The following PTPRK variants were observed in gnomAD, a reference collection of about 807,000 sequenced individuals.
PTPRK encodes receptor-type tyrosine-protein phosphatase kappa.
A neutral mutation model predicts 178.0 loss-of-function variants in PTPRK; 75 were observed. The observed-to-expected ratio is 0.42, with a 90% CI of 0.35 to 0.51. PTPRK has a LOEUF of 0.51. PTPRK is among the 20% of genes least tolerant of loss of function. The pLI is 0.02. For synonymous variants in PTPRK, 637 were observed against 620.6 expected (o/e 1.03, Z -0.39); for missense variants, 1,441 against 1,797.8 (o/e 0.80, Z 3.59).
chr6:128,116,101 T>TAC (rs762486725), intron 7 of PTPRK, among the ~76,000 whole-genome samples: 25 of 152,112 alleles, frequency 1.6e-4, no homozygotes, highest in Non-Finnish European at 3.1e-4. Context: ...CTACTTCTGT[T>TAC]ACACTTGATA....
chr6:128,044,785 T>C (rs1460699985), intron 13 of PTPRK, among the ~76,000 whole-genome samples: 4 of 152,036 alleles, frequency 2.6e-5, no homozygotes, highest in African/African-American at 9.7e-5. Flanking sequence ...CACTGAATTA[T>C]GTATCAAAAC....
At chr6:128,374,198 A>C (rs1431867356) in intron 2 of PTPRK, among the ~76,000 whole-genome samples, 1 of 152,156 alleles carries the variant, frequency 6.6e-6, no homozygotes, top group Non-Finnish European at 1.5e-5. Context: ...ACTACTGCTT[A>C]GTTTCCTTTG....
At chr6:128,056,713 G>A (rs1034122749) in intron 13 of PTPRK, among the ~76,000 whole-genome samples, 4 of 152,014 alleles carry the variant, frequency 2.6e-5, no homozygotes, top group Admixed American at 2.0e-4. Context: ...TGTGAGCCAC[G>A]GCGCCTGGCT....
chr6:128,422,125 T>C (rs1173128704), intron 1 of PTPRK, among the ~76,000 whole-genome samples: 1 of 152,268 alleles, frequency 6.6e-6, no homozygotes, highest in Non-Finnish European at 1.5e-5. Flanking sequence ...TTTTTCATGA[T>C]GCATTATTTT....
rs961084377 is a variant in PTPRK at position 128,471,485 on chromosome 6, G to T, written c.100+48774C>A. The stretch of plus-strand genomic sequence containing the variant: ...TAGAAACTTACCAAGAACAGTTTGG[G>T]GCAATAGAGATGGACAGGGATAATA... On this transcript the variant is annotated intron_variant, in intron 1 of 29. Transcript: ENST00000368226. Among the ~76,000 whole-genome samples, 12 of 151,200 alleles carry T rather than the reference G, an allele frequency of 7.9e-5. No homozygotes were observed. The South Asian group carries it at 2.3e-3, about 29-fold the overall frequency.
At chr6:128,356,200 T>C (rs1462719306) in intron 2 of PTPRK, among the ~76,000 whole-genome samples, 1 of 152,162 alleles carries the variant, frequency 6.6e-6, no homozygotes, top group Non-Finnish European at 1.5e-5. Context: ...CCTGTTTCTT[T>C]AGTCTACCCC....
intron 3 of PTPRK, among the ~76,000 whole-genome samples, chr6:128,252,424 A>G (rs1816609108): frequency 6.6e-6 from 1 of 152,194 alleles, no homozygotes; most frequent in Non-Finnish European, 1.5e-5. Context: ...ATAGATGTTG[A>G]CGCAGGTTTA....
chr6:128,083,834 A>C lies in PTPRK; in HGVS notation c.1466-10T>G. On this transcript the variant is annotated splice_polypyrimidine_tract_variant and intron_variant, in intron 8 of 29. Coordinates refer to ENST00000368226, the MANE Select transcript of PTPRK (RefSeq NM_002844.4). ...GGTACGGGACCAGGCACTACAAAAC[A>C]CATGAATTTTTTGTTATGAAAATGC... 1.3e-6 allele frequency: 2 copies of C among 1,498,192 alleles called. No individual in the cohort carries two copies. Among genetic ancestry groups the C allele is most frequent in the Non-Finnish European group, 9.0e-7 (1 of 1,107,820 alleles). The allele number at this position is 1,498,192 out of a possible 1,614,324, so 92.8% of individuals were successfully genotyped here. A position where few individuals can be genotyped will look rare whatever the true frequency, so the allele number is the denominator to read the frequency against.
At chr6:128,002,975 C>A (rs1778009029) in intron 15 of PTPRK, among the ~76,000 whole-genome samples, 1 of 151,916 alleles carries the variant, frequency 6.6e-6, no homozygotes, top group Non-Finnish European at 1.5e-5. Flanking sequence ...CCAAATCTAA[C>A]AACCAAGAAT....
intron 1 of PTPRK, among the ~76,000 whole-genome samples, chr6:128,425,190 G>T (rs1257469940): frequency 6.6e-6 from 1 of 150,718 alleles, no homozygotes; most frequent in Non-Finnish European, 1.5e-5. Context: ...TGATTCTCCT[G>T]TCTCTGCCTC....
chr6:128,205,814 A>T (rs2128261396), intron 6 of PTPRK, among the ~76,000 whole-genome samples: 1 of 150,210 alleles, frequency 6.7e-6, no homozygotes, highest in African/African-American at 2.5e-5. Context: ...AATTCAAGTT[A>T]AAAAATATAA....
intron 5 of PTPRK, among the ~76,000 whole-genome samples, chr6:128,227,075 T>C (rs1043965600): frequency 1.3e-5 from 2 of 152,076 alleles, no homozygotes; most frequent in African/African-American, 4.8e-5. Context: ...CTCTTAGATA[T>C]ACTCCTAATC....
At chr6:128,240,176 T>C (rs372643614) in intron 4 of PTPRK, 26 bp from the exon 5 acceptor site, 3 of 1,513,490 alleles carry the variant, frequency 2.0e-6, no homozygotes, top group African/African-American at 2.8e-5. Context: ...AAAAAAAATG[T>C]ATTTGTTTTC....
At chr6:128,045,621 T>C (rs1170929455) in intron 13 of PTPRK, among the ~76,000 whole-genome samples, 3 of 151,986 alleles carry the variant, frequency 2.0e-5, no homozygotes, top group African/African-American at 7.2e-5. Flanking sequence ...AATTAAAATA[T>C]GGCAGGAAAA....
intron 7 of PTPRK, among the ~76,000 whole-genome samples, chr6:128,123,824 A>G (rs1476672553): frequency 3.9e-5 from 6 of 152,012 alleles, no homozygotes; most frequent in African/African-American, 1.5e-4. Context: ...ATGTCCCTCC[A>G]TTGGAATTTG....
intron 7 of PTPRK, among the ~76,000 whole-genome samples, chr6:128,169,693 T>C (rs1799940598): frequency 6.6e-6 from 1 of 151,982 alleles, no homozygotes; most frequent in Non-Finnish European, 1.5e-5. Flanking sequence ...TAAAAAATGC[T>C]TAATACATAG....
Position 127,975,894 on chromosome 6 carries a change from A to G in PTPRK, c.3969+763T>C, listed in dbSNP as rs1196426061. ...CACCACGTTGCCAGGCTGGTCTTGAACTCCTGACCTTATGATCTGCCCGCC... is the reference window on the plus strand; with the variant it reads ...CACCACGTTGCCAGGCTGGTCTTGAGCTCCTGACCTTATGATCTGCCCGCC... On this transcript the variant is annotated intron_variant, in intron 27 of 29. Transcript: ENST00000368226. Among the ~76,000 whole-genome samples, 3 of 151,276 alleles carry G rather than the reference A, an allele frequency of 2.0e-5. 1 individual carries two copies. The highest frequency in any genetic ancestry group is 2.0e-4 in the Admixed American group (3 of 15,168).
chr6:128,240,245 T>G, intron 4 of PTPRK, 95 bp from the exon 5 acceptor site: 1 of 943,208 alleles, frequency 1.1e-6, no homozygotes, highest in East Asian at 2.6e-5. Flanking sequence ...TTAGTGTTTT[T>G]ACCTTTGGCC....
chr6:128,111,433 A>T (rs571124122), intron 7 of PTPRK, among the ~76,000 whole-genome samples: 2 of 152,338 alleles, frequency 1.3e-5, no homozygotes, highest in Non-Finnish European at 2.9e-5. Context: ...GGAAATAAAG[A>T]ATAAGAGAAA....
Sources: gnomAD v4.1 joint callset for allele counts (sites outside exome capture counted in the v4.1 genomes callset) on GRCh38, gnomAD v4.1.1 for gene constraint, MANE v1.5 for transcripts, NCBI Gene and HGNC (gene_info 2026-07-23, HGNC 2026-07-21) for gene names.